DOP1A: variants seen among roughly 807,000 people sequenced by gnomAD.
The protein encoded by DOP1A is DOP1 leucine zipper like protein A.
DOP1A carries 90 observed loss-of-function variants against 267.6 expected under a neutral mutation model. The observed-to-expected ratio is 0.34, with a 90% CI of 0.28 to 0.40. DOP1A has a LOEUF of 0.40. DOP1A is among the 10% of genes least tolerant of loss of function. The pLI is 1.00. For missense variants in DOP1A, 2,437 were observed against 2,900.4 expected, an observed-to-expected ratio of 0.84 and a Z score of 3.67; for synonymous variants, 932 against 999.1, an observed-to-expected ratio of 0.93 and a Z score of 1.27.
In DOP1A at chr6:83,153,905, C is replaced by G. The variant is rs753103009; in HGVS notation, c.6251C>G (p.Ala2084Gly). 16 of 1,611,596 alleles carry G rather than the reference C, an allele frequency of 9.9e-6. No homozygotes were observed. Among genetic ancestry groups the G allele is most frequent in the Non-Finnish European group, 1.4e-5 (16 of 1,179,420 alleles). Residue 2084 changes from alanine to glycine, a missense_variant, in exon 32 of 39, where the codon GCC becomes GGC. Around this residue, in one of 9 missense-constraint regions of DOP1A, gnomAD observed 216 missense variants for 283.3 expected, o/e 0.76. Coordinates refer to ENST00000349129, the MANE Select transcript of DOP1A (RefSeq NM_015018.4). ...TTTCTTCCTTGTAGTGCACATAATG[C>G]CCCTAGTTATCGAGCTTGTGTCCAG... is the stretch of plus-strand genomic sequence containing the variant. ...PYLRNHSAHNAPSYRACVQLL... is the reference protein window; with the variant it reads ...PYLRNHSAHNGPSYRACVQLL...
rs759967868 is a variant in DOP1A at position 83,121,960 on chromosome 6, A to C, written c.1130A>C (p.Glu377Ala). ...GTAATTCTAGAAGATGTCCTGATTG[A>C]AGTGTTTAGAACATTATATTCTCAA... ...GPVILEDVLI[E>A]VFRTLYSQCK... is the part of the protein sequence containing the mutation. Residue 377 changes from glutamate to alanine, a missense_variant, in exon 11 of 39, where the codon GAA (glutamate) becomes GCA (alanine). Physicochemically the swap from Glu to Ala is moderately radical, Grantham distance 107. Transcript: ENST00000349129. The C allele has an allele frequency of 1.2e-6, 2 of 1,608,840 alleles. No homozygotes were observed. The highest frequency in any genetic ancestry group is 3.4e-5 in the Admixed American group (2 of 59,584).
rs1779136557 is a variant in DOP1A, at chr6:83,138,259, C to A, written c.4217C>A (p.Thr1406Asn). The A allele has an allele frequency of 3.7e-6, 6 of 1,613,148 alleles. No individual in the cohort carries two copies. Among genetic ancestry groups the A allele is most frequent in the Non-Finnish European group, 5.1e-6 (6 of 1,179,932 alleles). Reference protein sequence around the residue: ...PIAFVNAISTTSVNNAYTPQL... With the variant: ...PIAFVNAISTNSVNNAYTPQL... ...GCTTTTGTAAATGCCATTTCAACTA[C>A]TAGTGTAAATAATGCATATACTCCT... The change falls in exon 21 of 39, where the codon ACT (threonine) becomes AAT (asparagine). Residue 1406 changes from threonine to asparagine, a missense_variant. By Grantham distance (65) the Thr-to-Asn change is moderately conservative. Around this residue, in one of 9 missense-constraint regions of DOP1A, gnomAD observed 878 missense variants for 992.9 expected, o/e 0.88. Transcript: ENST00000349129.
chr6:83,104,496 C>T (rs1301473872), intron 4 of DOP1A, among the ~76,000 whole-genome samples: 1 of 151,896 alleles, frequency 6.6e-6, no homozygotes, highest in Non-Finnish European at 1.5e-5. Context: ...ACATTTTTAT[C>T]TAATTTTGTT....
intron 1 of DOP1A, among the ~76,000 whole-genome samples, chr6:83,089,552 G>A (rs1049385025): frequency 6.6e-6 from 1 of 152,158 alleles, no homozygotes; most frequent in African/African-American, 2.4e-5. Context: ...CAACTAAATT[G>A]TCCAGTGGAC....
intron 4 of DOP1A, among the ~76,000 whole-genome samples, chr6:83,102,607 G>A (rs1036528615): frequency 1.1e-4 from 16 of 152,252 alleles, no homozygotes; most frequent in Non-Finnish European, 1.9e-4. Flanking sequence ...ATCATCTCTA[G>A]CTCAGGCTTC....
intron 23 of DOP1A, among the ~76,000 whole-genome samples, 197 bp downstream of exon 23, chr6:83,140,600 T>TTTTAGTAAA (rs1276163696): frequency 6.6e-6 from 1 of 152,214 alleles, no homozygotes; most frequent in Admixed American, 6.5e-5. Flanking sequence ...TCAGTAATTT[T>TTTTAGTAAA]TTTAGTAAAT....
chr6:83,121,245 A>G (rs1400645753), intron 10 of DOP1A, among the ~76,000 whole-genome samples: 2 of 151,838 alleles, frequency 1.3e-5, no homozygotes, highest in East Asian at 1.9e-4. Context: ...AGTAAAAAAC[A>G]TAAATATTTA....
At chr6:83,123,331 A>G (rs1282773559) in intron 12 of DOP1A, among the ~76,000 whole-genome samples, 1 of 152,064 alleles carries the variant, frequency 6.6e-6, no homozygotes, top group African/African-American at 2.4e-5. Flanking sequence ...CACTTTGATT[A>G]ACAAAAAACT....
At chr6:83,073,122 G>C in intron 1 of DOP1A, 2 of 202,894 alleles carry the variant, frequency 9.9e-6, no homozygotes, top group Non-Finnish European at 2.1e-5. Flanking sequence ...TCACTCTTTT[G>C]CCCAGGCTGG....
At position 83,118,918 on chromosome 6, in the gene DOP1A, T is replaced by A. The variant is rs1455314100; in HGVS notation, c.811T>A (p.Ser271Thr). 1.2e-6 allele frequency: 2 copies of A among 1,613,620 alleles called. No homozygotes were observed. Among genetic ancestry groups the A allele is most frequent in the African/African-American group, 1.3e-5 (1 of 74,916 alleles). Residue 271 changes from serine to threonine, a missense_variant, in exon 8 of 39, where the codon TCA becomes ACA. Ser to Thr is a moderately conservative substitution (Grantham distance 58). Transcript: ENST00000349129. The stretch of plus-strand genomic sequence containing the variant: ...TCGACCGGATATGATCAGGATCTTG[T>A]CAGCAGCCCTTCATGTAGTGCTAAG... ...ATRPDMIRILSAALHVVLRRD... is the reference protein window; with the variant it reads ...ATRPDMIRILTAALHVVLRRD...
At chr6:83,162,697 T>C (rs1784510120) in intron 37 of DOP1A, 93 bp from the exon 38 acceptor site, 2 of 1,368,270 alleles carry the variant, frequency 1.5e-6, no homozygotes, top group Admixed American at 4.8e-5. Flanking sequence ...TTATAAGCAG[T>C]GGGGTCATGA....
chr6:83,112,948 A>C (rs1258983695), intron 6 of DOP1A, among the ~76,000 whole-genome samples: 1 of 152,222 alleles, frequency 6.6e-6, no homozygotes, highest in African/African-American at 2.4e-5. Flanking sequence ...TTTATGAAAT[A>C]AAATACTTTG....
At chr6:83,165,718 G>T (rs1562394890) in intron 38 of DOP1A, 2 of 226,696 alleles carry the variant, frequency 8.8e-6, no homozygotes, top group South Asian at 1.2e-4. Context: ...GAATATGGCA[G>T]ATGAGGCAAA....
intron 1 of DOP1A, among the ~76,000 whole-genome samples, chr6:83,093,781 CT>C (rs1276401592): frequency 6.6e-6 from 1 of 152,152 alleles, no homozygotes; most frequent in Non-Finnish European, 1.5e-5. Context: ...TGCCAGGTGC[CT>C]GTAATCCCAG....
chr6:83,095,513 C>T (rs899950920), intron 1 of DOP1A, among the ~76,000 whole-genome samples: 1 of 152,104 alleles, frequency 6.6e-6, no homozygotes, highest in African/African-American at 2.4e-5. Context: ...TCCGTGCATC[C>T]AGCTCTAGAG....
At chr6:83,075,710 G>A (rs750149785) in intron 1 of DOP1A, among the ~76,000 whole-genome samples, 6 of 152,204 alleles carry the variant, frequency 3.9e-5, no homozygotes, top group Non-Finnish European at 7.3e-5. Flanking sequence ...GTCCAACAGT[G>A]TTTGACAAGG....
chr6:83,097,932 T>C (rs948051837), intron 3 of DOP1A, among the ~76,000 whole-genome samples: 1 of 151,996 alleles, frequency 6.6e-6, no homozygotes, highest in African/African-American at 2.4e-5. Flanking sequence ...AAGGTCTTAC[T>C]CTTTCACCCA....
At chr6:83,162,112 A>G (rs1168759108) in intron 37 of DOP1A, among the ~76,000 whole-genome samples, 1 of 152,186 alleles carries the variant, frequency 6.6e-6, no homozygotes, top group African/African-American at 2.4e-5. Flanking sequence ...TTGTGTGAAT[A>G]TATACTCTTT....
At chr6:83,162,971 A>C (rs1164085343) in intron 38 of DOP1A, 52 bp downstream of exon 38, 1 of 1,546,510 alleles carries the variant, frequency 6.5e-7, no homozygotes, top group Non-Finnish European at 8.8e-7. Context: ...ATGTTGCATT[A>C]GTGAGGTATT....
Sources: gnomAD v4.1 joint callset for allele counts (sites outside exome capture counted in the v4.1 genomes callset) on GRCh38, gnomAD v4.1.1 for gene constraint, gnomAD v4.1.1 regional missense constraint, MANE v1.5 for transcripts, NCBI Gene and HGNC (gene_info 2026-07-23, HGNC 2026-07-21) for gene names.